The following RIMS1 variants were observed in gnomAD, a reference collection of about 807,000 sequenced individuals.
RIMS1 encodes the protein regulating synaptic membrane exocytosis 1, also known as regulating synaptic membrane exocytosis protein 1.
A neutral mutation model predicts 214.1 loss-of-function variants in RIMS1; 83 were observed. The observed-to-expected ratio is 0.39, with a 90% CI of 0.32 to 0.47. The LOEUF (loss-of-function observed/expected upper bound fraction) is 0.47, where lower values mean the gene tolerates loss of function less well. RIMS1 is among the 20% of genes least tolerant of loss of function. The pLI, the probability that RIMS1 is intolerant of heterozygous loss-of-function variation, is 0.99. For missense variants in RIMS1, 2,050 were observed against 2,161.8 expected, an observed-to-expected ratio of 0.95 and a Z score of 1.03; for synonymous variants, 793 against 786.8, an observed-to-expected ratio of 1.01 and a Z score of -0.13.
At chr6:72,044,271 A>G (rs2152102022) in intron 2 of RIMS1, among the ~76,000 whole-genome samples, 1 of 151,938 alleles carries the variant, frequency 6.6e-6, no homozygotes, top group East Asian at 1.9e-4. Context: ...TCAGAGCTAA[A>G]ACTAGAAAAC....
chr6:72,202,856 G>A (rs72937848), intron 6 of RIMS1, among the ~76,000 whole-genome samples: 27,698 of 152,028 alleles, frequency 0.18, 3,040 homozygotes, highest in Non-Finnish European at 0.25. Flanking sequence ...AAGTTCAATC[G>A]TTTTAGAACC....
chr6:72,026,454 C>CT (rs1816510745), intron 2 of RIMS1, among the ~76,000 whole-genome samples: 1 of 82,256 alleles, frequency 1.2e-5, no homozygotes, highest in African/African-American at 3.5e-5. Flanking sequence ...CCCCCAGCAC[C>CT]GCCCCCCCCC....
intron 6 of RIMS1, chr6:72,212,846 C>G (rs1237683277): frequency 2.7e-6 from 3 of 1,105,198 alleles, no homozygotes; most frequent in Non-Finnish European, 1.1e-6. Flanking sequence ...ACCAGGCCCA[C>G]CGAAGCTTGT....
At chr6:71,918,268 A>C (rs1233970555) in intron 1 of RIMS1, among the ~76,000 whole-genome samples, 1 of 152,146 alleles carries the variant, frequency 6.6e-6, no homozygotes, top group Non-Finnish European at 1.5e-5. Context: ...GAGGTGATCA[A>C]TGAGACAGAA....
intron 2 of RIMS1, among the ~76,000 whole-genome samples, chr6:72,020,481 G>C (rs1013223310): frequency 2.6e-5 from 4 of 152,184 alleles, no homozygotes; most frequent in African/African-American, 9.6e-5. Context: ...CTTGCCTTCT[G>C]CTGCTTTCTT....
chr6:72,361,842 G>A (rs2097839245), intron 29 of RIMS1, among the ~76,000 whole-genome samples: 1 of 152,132 alleles, frequency 6.6e-6, no homozygotes, highest in African/African-American at 2.4e-5. Flanking sequence ...AGATAATCCA[G>A]GATAACTTTA....
chr6:72,157,360 T>C lies in RIMS1; in HGVS notation c.472-22215T>C, dbSNP rs2044573044. Among the ~76,000 whole-genome samples the C allele has an allele frequency of 2.1e-5, 3 of 140,516 alleles. 1 individual carries two copies. The South Asian group carries it at 7.0e-4, about 33-fold the overall frequency. The allele number at this position is 140,516 out of a possible 152,430, so 92.2% of individuals were successfully genotyped here. A position where few individuals can be genotyped will look rare whatever the true frequency, so the allele number is the denominator to read the frequency against. ...TTCTATATCCTTGCTGTTTTTATTCTGTATGTTCTGTCAGTTACAGATGTG... is the reference window on the plus strand; with the variant it reads ...TTCTATATCCTTGCTGTTTTTATTCCGTATGTTCTGTCAGTTACAGATGTG... On this transcript the variant is annotated intron_variant, in intron 4 of 33. Coordinates refer to ENST00000521978, the MANE Select transcript of RIMS1 (RefSeq NM_014989.7).
At chr6:72,076,207 A>C (rs1036166395) in intron 2 of RIMS1, among the ~76,000 whole-genome samples, 4 of 152,214 alleles carry the variant, frequency 2.6e-5, no homozygotes, top group African/African-American at 9.7e-5. Context: ...CAACAATACT[A>C]AGGAAAAAAC....
At chr6:72,339,255 C>CT (rs1564255984) in intron 29 of RIMS1, among the ~76,000 whole-genome samples, 1 of 151,380 alleles carries the variant, frequency 6.6e-6, no homozygotes, top group Non-Finnish European at 1.5e-5. Flanking sequence ...GGGAAGAGTA[C>CT]TTTTTTTTCA....
At chr6:72,242,510 T>C (rs2067380822) in intron 10 of RIMS1, 73 bp downstream of exon 10, 1 of 1,057,520 alleles carries the variant, frequency 9.5e-7, no homozygotes. Flanking sequence ...AAGAATTTTA[T>C]ACATTCATAC....
intron 28 of RIMS1, among the ~76,000 whole-genome samples, chr6:72,324,067 G>C (rs1328902341): frequency 6.6e-6 from 1 of 151,708 alleles, no homozygotes; most frequent in Non-Finnish European, 1.5e-5. Flanking sequence ...TAGATAGATA[G>C]ATAGATAGAT....
intron 2 of RIMS1, among the ~76,000 whole-genome samples, chr6:71,993,588 A>G (rs1005484738): frequency 9.9e-5 from 15 of 152,230 alleles, no homozygotes; most frequent in African/African-American, 3.6e-4. Flanking sequence ...TCTTCGGTAC[A>G]TAAGGACAAA....
intron 1 of RIMS1, among the ~76,000 whole-genome samples, chr6:71,937,569 A>T (rs1784822466): frequency 6.6e-6 from 1 of 152,100 alleles, no homozygotes; most frequent in Admixed American, 6.5e-5. Context: ...GGGAATTTTA[A>T]GATTAAGGGC....
chr6:72,091,719 A>G (rs1179271374), intron 2 of RIMS1, among the ~76,000 whole-genome samples: 2 of 152,300 alleles, frequency 1.3e-5, no homozygotes, highest in South Asian at 2.1e-4. Flanking sequence ...ACAGAACCTC[A>G]TATCCTGGGA....
At chr6:72,393,222 A>G (rs1273653929) in intron 31 of RIMS1, among the ~76,000 whole-genome samples, 1 of 152,034 alleles carries the variant, frequency 6.6e-6, no homozygotes, top group Non-Finnish European at 1.5e-5. Flanking sequence ...TAAAAAAGAA[A>G]AGGGAAGGTG....
At chr6:72,057,356 T>C (rs528847249) in intron 2 of RIMS1, among the ~76,000 whole-genome samples, 113 of 152,258 alleles carry the variant, frequency 7.4e-4, no homozygotes, top group Middle Eastern at 6.8e-3. Flanking sequence ...ATTATCTAAC[T>C]AAAAGAGAAT....
intron 29 of RIMS1, among the ~76,000 whole-genome samples, chr6:72,336,761 T>C (rs2096857714): frequency 6.6e-6 from 1 of 151,842 alleles, no homozygotes; most frequent in East Asian, 1.9e-4. Context: ...GTGACAAATG[T>C]TGATAACCCT....
intron 2 of RIMS1, among the ~76,000 whole-genome samples, chr6:72,006,317 G>A (rs1807607088): frequency 6.6e-6 from 1 of 152,176 alleles, no homozygotes; most frequent in Admixed American, 6.5e-5. Context: ...CACCTATTTA[G>A]GAAGATAACA....
In RIMS1 at chr6:72,263,666, A is replaced by T. The variant is rs927433295; in HGVS notation, c.3117-1309A>T. On this transcript the variant is annotated intron_variant, in intron 19 of 33. Coordinates refer to ENST00000521978, the MANE Select transcript of RIMS1 (RefSeq NM_014989.7). ...GAAAAGAAGAGTCGACTGTCTAGAA[A>T]GGAGGCTAAATCCTTAGTTTCAGTA... The T allele has an allele frequency of 6.1e-6, 6 of 985,284 alleles. No individual in the cohort carries two copies. The East Asian group carries it at 6.8e-4, about 112-fold the overall frequency. The allele number at this position is 985,284 out of a possible 1,614,324, so 61.0% of individuals were successfully genotyped here. A position where few individuals can be genotyped will look rare whatever the true frequency, so the allele number is the denominator to read the frequency against.
Sources: allele counts gnomAD v4.1 joint callset (sites outside exome capture counted in the v4.1 genomes callset), GRCh38; gene constraint gnomAD v4.1.1; transcripts MANE v1.5; gene names NCBI Gene and HGNC (gene_info 2026-07-23, HGNC 2026-07-21).